Variants in DENND2A observed in about 807,000 individuals in gnomAD.
The protein encoded by DENND2A is DENN domain-containing protein 2A.
DENND2A carries 53 observed loss-of-function variants against 105.3 expected under a neutral mutation model. The observed-to-expected ratio is 0.50, with a 90% confidence interval of 0.40 to 0.63. The LOEUF is 0.63. DENND2A is among the 30% of genes least tolerant of loss of function. The pLI is 0.00. For missense variants in DENND2A, 1,138 were observed against 1,279.6 expected (o/e 0.89, Z 1.69); for synonymous variants, 522 against 508.4 (o/e 1.03, Z -0.36).
chr7:140,637,756 G>A (rs1038175570), intron 1 of DENND2A, among the ~76,000 whole-genome samples: 1 of 152,114 alleles, frequency 6.6e-6, no homozygotes, highest in Admixed American at 6.6e-5. Context: ...CTTCCAACGT[G>A]CTATGCCCTA....
intron 14 of DENND2A, among the ~76,000 whole-genome samples, chr7:140,542,565 C>CTTTTTT (rs771623397): frequency 3.6e-5 from 4 of 111,980 alleles, no homozygotes; most frequent in Non-Finnish European, 7.2e-5. Flanking sequence ...TTTTCTCTCT[C>CTTTTTT]TTTTTTTTTT....
At chr7:140,576,415 A>G (rs1040371255) in intron 5 of DENND2A, among the ~76,000 whole-genome samples, 2 of 152,100 alleles carry the variant, frequency 1.3e-5, no homozygotes, top group African/African-American at 4.8e-5. Context: ...TTTATTTATT[A>G]TTCCATCGGT....
chr7:140,580,170 T>C (rs958990645), intron 5 of DENND2A, among the ~76,000 whole-genome samples: 5 of 152,076 alleles, frequency 3.3e-5, no homozygotes, highest in Admixed American at 2.0e-4. Flanking sequence ...AAAAGTAAAA[T>C]TCCCCAATTG....
intron 2 of DENND2A, among the ~76,000 whole-genome samples, chr7:140,602,953 C>T (rs1009985445): frequency 5.3e-5 from 8 of 151,898 alleles, no homozygotes; most frequent in African/African-American, 1.9e-4. Context: ...TTGTTTAAGT[C>T]CTCTAAACCT....
intron 14 of DENND2A, among the ~76,000 whole-genome samples, chr7:140,528,171 C>T (rs1796131898): frequency 6.6e-6 from 1 of 151,906 alleles, no homozygotes; most frequent in Admixed American, 6.6e-5. Context: ...TATTCATTTC[C>T]ACCCTTACTC....
At chr7:140,598,604 TA>T (rs202033629) in intron 3 of DENND2A, among the ~76,000 whole-genome samples, 2,794 of 152,142 alleles carry the variant, frequency 0.018, 42 homozygotes, top group Non-Finnish European at 0.029. Flanking sequence ...TAAGATGTCT[TA>T]AAAAATACAC....
chr7:140,622,591 G>A (rs1183064527), intron 1 of DENND2A, among the ~76,000 whole-genome samples: 2 of 152,094 alleles, frequency 1.3e-5, no homozygotes, highest in Non-Finnish European at 2.9e-5. Flanking sequence ...CAGTGCTCAT[G>A]AGTATAAAAG....
At chr7:140,632,713 C>T (rs1248495247) in intron 1 of DENND2A, among the ~76,000 whole-genome samples, 1 of 151,232 alleles carries the variant, frequency 6.6e-6, no homozygotes, top group Non-Finnish European at 1.5e-5. Context: ...GGACTACAGG[C>T]GCCTGCCTCC....
chr7:140,544,654 A>G lies in DENND2A; in HGVS notation c.2291T>C (p.Leu764Pro). The G allele has an allele frequency of 6.2e-7, 1 of 1,614,144 alleles. No homozygotes were observed. The highest frequency in any genetic ancestry group is 8.5e-7 in the Non-Finnish European group (1 of 1,180,012). Residue 764 changes from leucine to proline, a missense_variant, in exon 14 of 20, where the codon CTG becomes CCG. Transcript: ENST00000496613. Reference sequence around the variant, plus strand: ...TGCAATGAAGATGACCCTCCTCTCCAGAAGCAGGGAGGCAAACACACAGAC... The same window carrying G: ...TGCAATGAAGATGACCCTCCTCTCCGGAAGCAGGGAGGCAAACACACAGAC... Reference protein sequence around the residue: ...HLVCVFASLLLERRVIFIADK... With the variant: ...HLVCVFASLLPERRVIFIADK...
Position 140,624,861 on chromosome 7 carries a change from TTTTTTTG to T in DENND2A, c.-248+15636_-248+15642del, listed in dbSNP as rs1455763944. On this transcript the variant is annotated intron_variant, in intron 1 of 19. Coordinates refer to ENST00000496613, the MANE Select transcript of DENND2A (RefSeq NM_015689.5). ...TTTGTTTTTCTTTGTTTTTTTTGTT[TTTTTTTG>T]TTTTTTTTTTTTTGCTTTTTGAGAC... Among the ~76,000 whole-genome samples the T allele has an allele frequency of 5.4e-4, 81 of 150,286 alleles. 2 individuals carry two copies. The highest frequency in any genetic ancestry group is 1.9e-3 in the African/African-American group (77 of 40,452).
At chr7:140,522,878 G>A (rs1361968547) in intron 17 of DENND2A, among the ~76,000 whole-genome samples, 1 of 151,984 alleles carries the variant, frequency 6.6e-6, no homozygotes, top group Non-Finnish European at 1.5e-5. Context: ...AAAGTGCTGG[G>A]ATTACAGGTG....
intron 1 of DENND2A, among the ~76,000 whole-genome samples, chr7:140,626,090 G>A (rs552078075): frequency 2.6e-5 from 4 of 152,360 alleles, no homozygotes; most frequent in South Asian, 2.1e-4. Flanking sequence ...TGCTGAATGC[G>A]TCAGGGTGTC....
chr7:140,542,333 C>G (rs1338292252), intron 14 of DENND2A, among the ~76,000 whole-genome samples: 1 of 152,146 alleles, frequency 6.6e-6, no homozygotes, highest in African/African-American at 2.4e-5. Context: ...TGAATGTGCC[C>G]ACTGGGACGG....
At chr7:140,623,107 G>A (rs1311208419) in intron 1 of DENND2A, among the ~76,000 whole-genome samples, 1 of 151,712 alleles carries the variant, frequency 6.6e-6, no homozygotes, top group Admixed American at 6.6e-5. Flanking sequence ...GGCTGAGGCG[G>A]GCAGATTACC....
intron 19 of DENND2A, among the ~76,000 whole-genome samples, chr7:140,519,007 A>G (rs1445245084): frequency 6.6e-6 from 1 of 152,154 alleles, no homozygotes; most frequent in Non-Finnish European, 1.5e-5. Context: ...GAAGCACCGA[A>G]TTAACACATC....
rs372251918 is a variant in DENND2A, at chr7:140,601,496, G to C, written c.902C>G (p.Ser301Cys). The C allele has an allele frequency of 1.9e-6, 3 of 1,614,080 alleles. No homozygotes were observed. Among genetic ancestry groups the C allele is most frequent in the Non-Finnish European group, 2.5e-6 (3 of 1,179,988 alleles). Residue 301 changes from serine to cysteine, a missense_variant, in exon 3 of 20, where the codon TCT becomes TGT. This residue lies in a region of DENND2A where 511 missense variants were observed against 499.9 expected (regional missense o/e 1.02). Transcript: ENST00000496613. ...GGAGGGCAGAGGCGGGGGAGGTAGA[G>C]AGGGCAGAGGAGGCAGATTTCTTTT... ...KEKRNLPPLP[S>C]LPPPPLPSSP...
intron 18 of DENND2A, among the ~76,000 whole-genome samples, chr7:140,520,806 G>A (rs1446693221): frequency 6.6e-6 from 1 of 151,622 alleles, no homozygotes. Flanking sequence ...TGATCTGCCC[G>A]CCTCGGCCTC....
At chr7:140,639,941 C>T (rs1391461103) in intron 1 of DENND2A, among the ~76,000 whole-genome samples, 2 of 152,226 alleles carry the variant, frequency 1.3e-5, no homozygotes, top group Non-Finnish European at 2.9e-5. Flanking sequence ...TTCCCCTGGG[C>T]TCCATCTGCT....
At chr7:140,522,152 A>G (rs1345031750) in intron 17 of DENND2A, 52 bp from the exon 18 acceptor site, 1 of 1,597,800 alleles carries the variant, frequency 6.3e-7, no homozygotes, top group African/African-American at 1.3e-5. Flanking sequence ...AGGCTGGGCC[A>G]GAGCCCTTGA....
Sources: gnomAD v4.1 joint callset for allele counts (sites outside exome capture counted in the v4.1 genomes callset) on GRCh38, gnomAD v4.1.1 for gene constraint, gnomAD v4.1.1 regional missense constraint, MANE v1.5 for transcripts, NCBI Gene and HGNC (gene_info 2026-07-23, HGNC 2026-07-21) for gene names.